The following GALNTL6 variants were observed in gnomAD, a reference collection of about 807,000 sequenced individuals.
The protein encoded by GALNTL6 is polypeptide N-acetylgalactosaminyltransferase like 6.
A neutral mutation model predicts 73.7 loss-of-function variants in GALNTL6; 46 were observed. That is an observed-to-expected ratio of 0.62 (90% CI 0.49 to 0.80). The LOEUF (loss-of-function observed/expected upper bound fraction) is 0.80. GALNTL6 is among the 30% of genes least tolerant of loss of function. The pLI, the probability that GALNTL6 is intolerant of heterozygous loss-of-function variation, is 0.00. For missense variants in GALNTL6, 604 were observed against 755.0 expected, an observed-to-expected ratio of 0.80 and a Z score of 2.34; for synonymous variants, 259 against 263.7, an observed-to-expected ratio of 0.98 and a Z score of 0.17.
At chr4:172,965,598 T>C (rs1283795936) in intron 10 of GALNTL6, among the ~76,000 whole-genome samples, 3 of 143,916 alleles carry the variant, frequency 2.1e-5, no homozygotes, top group East Asian at 4.1e-4. Context: ...ATAAATAAAA[T>C]AAAAATTAAA....
intron 2 of GALNTL6, among the ~76,000 whole-genome samples, chr4:172,150,742 C>T (rs138196753): frequency 6.6e-5 from 10 of 151,780 alleles, no homozygotes; most frequent in East Asian, 3.9e-4. Context: ...TGGAGGTATA[C>T]GACATAATAA....
At position 171,814,573 on chromosome 4, in the gene GALNTL6, C is replaced by A; in HGVS notation, c.-8C>A. On this transcript the variant is annotated 5_prime_UTR_variant, in exon 2 of 13. Coordinates refer to ENST00000506823, the MANE Select transcript of GALNTL6 (RefSeq NM_001034845.3). ...TCCTTTAACTTTTCTTCTCTGTTACCATTTGCAATGAAGAGGAAACAGAAG... is the reference window on the plus strand; with the variant it reads ...TCCTTTAACTTTTCTTCTCTGTTACAATTTGCAATGAAGAGGAAACAGAAG... 1 of 1,613,894 alleles carries A rather than the reference C, an allele frequency of 6.2e-7. No homozygotes were observed. Among genetic ancestry groups the A allele is most frequent in the Non-Finnish European group, 8.5e-7 (1 of 1,179,936 alleles).
At chr4:172,354,221 C>T (rs1180310372) in intron 5 of GALNTL6, among the ~76,000 whole-genome samples, 1 of 151,994 alleles carries the variant, frequency 6.6e-6, no homozygotes, top group Non-Finnish European at 1.5e-5. Flanking sequence ...GAGCTAGTCA[C>T]TCTAAATAAA....
intron 7 of GALNTL6, among the ~76,000 whole-genome samples, chr4:172,845,140 C>T (rs1314069519): frequency 4.7e-5 from 7 of 149,680 alleles, no homozygotes; most frequent in South Asian, 4.2e-4. Flanking sequence ...ATCGCTTGAA[C>T]CCAGGAGGCG....
At chr4:172,460,647 C>A (rs2111441974) in intron 5 of GALNTL6, among the ~76,000 whole-genome samples, 1 of 152,314 alleles carries the variant, frequency 6.6e-6, no homozygotes, top group Admixed American at 6.5e-5. Flanking sequence ...TAGAGACATG[C>A]AAATCAAAAC....
chr4:172,954,551 C>T (rs1749618026), intron 10 of GALNTL6, among the ~76,000 whole-genome samples: 1 of 152,172 alleles, frequency 6.6e-6, no homozygotes, highest in African/African-American at 2.4e-5. Flanking sequence ...ACTGCAGCCT[C>T]AAACTCTTGG....
intron 2 of GALNTL6, among the ~76,000 whole-genome samples, chr4:172,171,938 C>G (rs940851275): frequency 6.6e-6 from 1 of 152,198 alleles, no homozygotes; most frequent in African/African-American, 2.4e-5. Context: ...TCAGAAGCAA[C>G]ACTCCATTGG....
chr4:172,923,583 G>A (rs906909581), intron 8 of GALNTL6, among the ~76,000 whole-genome samples: 1 of 152,194 alleles, frequency 6.6e-6, no homozygotes, highest in African/African-American at 2.4e-5. Context: ...GTGCTAATGA[G>A]CAATGCAGCC....
chr4:172,665,201 T>A (rs571130033), intron 5 of GALNTL6, among the ~76,000 whole-genome samples: 179 of 152,286 alleles, frequency 1.2e-3, no homozygotes, highest in Non-Finnish European at 2.3e-3. Flanking sequence ...AGGCAACACC[T>A]CCATTTCTTG....
rs113331893 is a variant in GALNTL6 at position 172,978,340 on chromosome 4, C to T, written c.1371+26082C>T. On this transcript the variant is annotated intron_variant, in intron 10 of 12. Coordinates refer to ENST00000506823, the MANE Select transcript of GALNTL6 (RefSeq NM_001034845.3). ...AATCACAAAGGAAGAAAAGTGAGCACGTTAGACACTAGTTGAGCTCTAATG... is the reference window on the plus strand; with the variant it reads ...AATCACAAAGGAAGAAAAGTGAGCATGTTAGACACTAGTTGAGCTCTAATG... 8.5e-4 allele frequency among the ~76,000 whole-genome samples: 129 copies of T among 152,192 alleles called. 1 individual carries two copies. The highest frequency in any genetic ancestry group is 7.9e-3 in the East Asian group (41 of 5,164).
chr4:171,971,966 G>C (rs1358709506), intron 2 of GALNTL6, among the ~76,000 whole-genome samples: 2 of 152,002 alleles, frequency 1.3e-5, no homozygotes, highest in African/African-American at 4.8e-5. Flanking sequence ...GAGGCTTTAG[G>C]GGAGAGACTT....
intron 2 of GALNTL6, among the ~76,000 whole-genome samples, chr4:172,133,775 G>T (rs944178337): frequency 4.6e-5 from 7 of 152,148 alleles, no homozygotes; most frequent in African/African-American, 1.7e-4. Context: ...GCATGGAAAG[G>T]CATGGCATAT....
chr4:172,501,542 G>A (rs1306503326), intron 5 of GALNTL6, among the ~76,000 whole-genome samples: 1 of 152,122 alleles, frequency 6.6e-6, no homozygotes, highest in Non-Finnish European at 1.5e-5. Context: ...CAGTCAGAAT[G>A]AGAGAGAAAT....
intron 5 of GALNTL6, among the ~76,000 whole-genome samples, chr4:172,643,821 AT>A (rs1288256761): frequency 6.6e-6 from 1 of 151,636 alleles, no homozygotes; most frequent in Non-Finnish European, 1.5e-5. Flanking sequence ...GCTGATGGAT[AT>A]TTTGGGTTGT....
chr4:172,382,260 C>T (rs1010861080), intron 5 of GALNTL6, among the ~76,000 whole-genome samples: 24 of 151,728 alleles, frequency 1.6e-4, no homozygotes, highest in Admixed American at 2.6e-4. Context: ...TGAGCCACCA[C>T]GCCCAGCCAA....
At chr4:172,596,312 C>G (rs1271240229) in intron 5 of GALNTL6, among the ~76,000 whole-genome samples, 3 of 151,858 alleles carry the variant, frequency 2.0e-5, no homozygotes, top group Non-Finnish European at 2.9e-5. Flanking sequence ...AAAAAGTTAG[C>G]TAGGCGTGGT....
intron 5 of GALNTL6, among the ~76,000 whole-genome samples, chr4:172,457,283 A>G (rs555974928): frequency 1.3e-3 from 205 of 152,272 alleles, no homozygotes; most frequent in African/African-American, 4.7e-3. Context: ...GACCATTGAC[A>G]CCATGAAGAA....
intron 5 of GALNTL6, among the ~76,000 whole-genome samples, chr4:172,369,812 C>G (rs573042019): frequency 5.3e-5 from 8 of 152,268 alleles, no homozygotes; most frequent in African/African-American, 1.7e-4. Flanking sequence ...CACTTGTGCA[C>G]GAGCACCTCA....
At chr4:172,778,417 C>T (rs1273393659) in intron 5 of GALNTL6, among the ~76,000 whole-genome samples, 7 of 152,120 alleles carry the variant, frequency 4.6e-5, no homozygotes, top group Admixed American at 2.6e-4. Flanking sequence ...TGGAATAAGC[C>T]ACATGTAGGC....
Sources: gnomAD v4.1 joint callset for allele counts (sites outside exome capture counted in the v4.1 genomes callset) on GRCh38, gnomAD v4.1.1 for gene constraint, MANE v1.5 for transcripts, NCBI Gene and HGNC (gene_info 2026-07-23, HGNC 2026-07-21) for gene names.